The following ADK variants were observed in gnomAD, a reference collection of about 807,000 sequenced individuals.
The protein encoded by ADK is adenosine kinase, also known as N6,N6-dimethyladenosine kinase.
ADK carries 24 observed loss-of-function variants against 44.7 expected under a neutral mutation model. The ratio of observed to expected loss-of-function variants is 0.54; its 90% CI spans 0.39 to 0.76. The LOEUF is 0.76. Ranked by LOEUF, ADK falls within the 30% of genes least tolerant of loss-of-function variation. The probability of loss-of-function intolerance (pLI) is 0.00; values close to 1 mark genes in which losing one functional copy is unlikely to be tolerated. For synonymous variants in ADK, 128 were observed against 142.6 expected (o/e 0.90, Z 0.73); for missense variants, 321 against 425.1 (o/e 0.76, Z 2.15).
intron 10 of ADK, 57 bp downstream of exon 10, chr10:74,670,326 C>A: frequency 7.5e-7 from 1 of 1,326,710 alleles, no homozygotes; most frequent in Non-Finnish European, 1.1e-6. Flanking sequence ...ACCCTTGTTT[C>A]TACCATATAA....
intron 4 of ADK, among the ~76,000 whole-genome samples, chr10:74,384,343 A>G (rs1175661047): frequency 1.3e-5 from 2 of 152,212 alleles, no homozygotes; most frequent in East Asian, 3.8e-4. Context: ...ATTCTATGAT[A>G]GGAATGATAC....
chr10:74,575,315 C>G (rs1433733433), intron 7 of ADK, among the ~76,000 whole-genome samples: 2 of 152,078 alleles, frequency 1.3e-5, no homozygotes, highest in African/African-American at 2.4e-5. Flanking sequence ...AGGAGATAAG[C>G]TATCTATACA....
intron 4 of ADK, among the ~76,000 whole-genome samples, chr10:74,316,761 C>T (rs182379764): frequency 6.6e-6 from 1 of 152,196 alleles, no homozygotes; most frequent in African/African-American, 2.4e-5. Context: ...AAATTGTCTC[C>T]TTTCTTGGGG....
At chr10:74,701,529 A>G (rs879394792) in intron 10 of ADK, among the ~76,000 whole-genome samples, 2 of 152,242 alleles carry the variant, frequency 1.3e-5, no homozygotes, top group African/African-American at 2.4e-5. Flanking sequence ...ATCAAAAATA[A>G]TGTGATGGCA....
At chr10:74,197,241 G>A (rs1843188038) in intron 1 of ADK, among the ~76,000 whole-genome samples, 1 of 152,150 alleles carries the variant, frequency 6.6e-6, no homozygotes, top group Admixed American at 6.5e-5. Context: ...AGGGAGGATA[G>A]CAAGGAAAAG....
intron 4 of ADK, among the ~76,000 whole-genome samples, chr10:74,343,342 C>A (rs1262021089): frequency 1.3e-5 from 2 of 151,982 alleles, no homozygotes; most frequent in African/African-American, 2.4e-5. Context: ...AAGTCAATTA[C>A]CACATATTTT....
chr10:74,497,600 G>A (rs746965672), intron 6 of ADK, among the ~76,000 whole-genome samples: 1 of 152,096 alleles, frequency 6.6e-6, no homozygotes, highest in Non-Finnish European at 1.5e-5. Context: ...TATTCTGGTG[G>A]TAGAGACAAA....
In ADK at chr10:74,660,848, A is replaced by G. The variant is rs144231165; in HGVS notation, c.878-9335A>G. ...GGGGTTCGAGACCAGCCTGGCCAAT[A>G]TGGTGAAACCCCATCCCTACTAAAA... On this transcript the variant is annotated intron_variant, in intron 9 of 10. Transcript: ENST00000539909. Among the ~76,000 whole-genome samples, 1,057 of 152,116 alleles carry G rather than the reference A, an allele frequency of 6.9e-3. 7 individuals are homozygous for G. Among genetic ancestry groups the G allele is most frequent in the African/African-American group, 0.025 (1,022 of 41,498 alleles).
In ADK at chr10:74,350,011, A is replaced by G. The variant is rs558076595; in HGVS notation, c.273+35266A>G. Reference sequence around the variant, plus strand: ...CAATATGAGATCAATGAGACAGAAAATTAACAAGGTTATTCAGGACTTGAA... The same window carrying G: ...CAATATGAGATCAATGAGACAGAAAGTTAACAAGGTTATTCAGGACTTGAA... On this transcript the variant is annotated intron_variant, in intron 4 of 10. Coordinates refer to ENST00000539909, the MANE Select transcript of ADK (RefSeq NM_006721.4). Among the ~76,000 whole-genome samples, 30 of 152,298 alleles carry G rather than the reference A, an allele frequency of 2.0e-4. No individual in the cohort carries two copies. In the Middle Eastern group the frequency reaches 0.01, roughly 52 times the overall value.
intron 2 of ADK, among the ~76,000 whole-genome samples, chr10:74,219,576 GCACCA>G (rs1453057493): frequency 2.0e-5 from 3 of 152,000 alleles, no homozygotes; most frequent in Non-Finnish European, 4.4e-5. Context: ...ATTTTTTTCA[GCACCA>G]CACCACACCT....
chr10:74,472,032 T>C (rs942365166), intron 6 of ADK, among the ~76,000 whole-genome samples: 2 of 152,156 alleles, frequency 1.3e-5, no homozygotes, highest in Admixed American at 6.5e-5. Context: ...AGCTGACTGC[T>C]CTGGATACAA....
chr10:74,181,967 C>T (rs1384948633), intron 1 of ADK, among the ~76,000 whole-genome samples: 1 of 152,138 alleles, frequency 6.6e-6, no homozygotes, highest in Non-Finnish European at 1.5e-5. Context: ...CTGTGCCCTA[C>T]ATGATGATTC....
chr10:74,624,969 C>T (rs1024246595), intron 9 of ADK, among the ~76,000 whole-genome samples: 2 of 151,858 alleles, frequency 1.3e-5, no homozygotes, highest in Admixed American at 1.3e-4. Context: ...TAATCTCAAG[C>T]AGGACAAGTT....
chr10:74,168,471 G>A (rs1218515962), intron 1 of ADK, among the ~76,000 whole-genome samples: 1 of 149,106 alleles, frequency 6.7e-6, no homozygotes, highest in African/African-American at 2.5e-5. Context: ...CCCGGGAGGC[G>A]GAGCTTGCAG....
At chr10:74,640,609 G>A (rs1435106838) in intron 9 of ADK, among the ~76,000 whole-genome samples, 3 of 152,182 alleles carry the variant, frequency 2.0e-5, no homozygotes, top group South Asian at 2.1e-4. Context: ...ATCAGGAATC[G>A]GCAAACTTTT....
At chr10:74,247,224 G>GTTTTTTTTTTTTTTTTTTTT (rs142274121) in intron 3 of ADK, among the ~76,000 whole-genome samples, 7 of 72,004 alleles carry the variant, frequency 9.7e-5, no homozygotes, top group Admixed American at 2.3e-4. Context: ...TTTTTTTTAA[G>GTTTTTTTTTTTTTTTTTTTT]TTTTTTTTTT....
At chr10:74,476,067 A>G (rs1846825546) in intron 6 of ADK, among the ~76,000 whole-genome samples, 1 of 152,212 alleles carries the variant, frequency 6.6e-6, no homozygotes, top group Non-Finnish European at 1.5e-5. Context: ...ACTCTAATTC[A>G]GTACCACAGA....
chr10:74,512,333 C>G (rs527903314), intron 6 of ADK, among the ~76,000 whole-genome samples: 1 of 148,682 alleles, frequency 6.7e-6, no homozygotes, highest in South Asian at 2.1e-4. Context: ...AGTATTTCCT[C>G]TGCTTCATTT....
intron 4 of ADK, among the ~76,000 whole-genome samples, chr10:74,359,537 C>A (rs1358571853): frequency 1.3e-5 from 2 of 151,986 alleles, no homozygotes; most frequent in Non-Finnish European, 2.9e-5. Context: ...GCGTGACCGT[C>A]CCTACAAAAA....
Sources: gnomAD v4.1 joint callset for allele counts (sites outside exome capture counted in the v4.1 genomes callset) on GRCh38, gnomAD v4.1.1 for gene constraint, MANE v1.5 for transcripts, NCBI Gene and HGNC (gene_info 2026-07-23, HGNC 2026-07-21) for gene names.